UHRF2: variants seen among roughly 807,000 people sequenced by gnomAD.
UHRF2 encodes ubiquitin like with PHD and ring finger domains 2.
UHRF2 carries 23 observed loss-of-function variants against 96.8 expected under a neutral mutation model. The ratio of observed to expected loss-of-function variants is 0.24; its 90% CI spans 0.17 to 0.34. UHRF2 has a LOEUF of 0.34. Ranked by LOEUF, UHRF2 falls within the 10% of genes least tolerant of loss-of-function variation. UHRF2 has a pLI of 1.00. For synonymous variants in UHRF2, 385 were observed against 332.6 expected (o/e 1.16, Z -1.72); for missense variants, 685 against 981.5 (o/e 0.70, Z 4.04).
At chr9:6,479,233 C>T (rs150559930) in intron 6 of UHRF2, among the ~76,000 whole-genome samples, 116 of 152,314 alleles carry the variant, frequency 7.6e-4, no homozygotes, top group African/African-American at 2.6e-3. Context: ...TACTTCAGCA[C>T]TCCAGTCTAG....
chr9:6,428,575 C>CTTTTTTTTTTTTTTTTTTTT (rs1820393659), intron 2 of UHRF2, among the ~76,000 whole-genome samples: 2 of 81,440 alleles, frequency 2.5e-5, no homozygotes, highest in Non-Finnish European at 4.4e-5. Flanking sequence ...TTTTTTTGAA[C>CTTTTTTTTTTTTTTTTTTTT]GATCTCATTC....
chr9:6,499,891 G>C lies in UHRF2; in HGVS notation c.1965G>C (p.Lys655Asn). Residue 655 changes from lysine to asparagine, a missense_variant, in exon 13 of 16, where the codon AAG (lysine) becomes AAC (asparagine). Physicochemically the swap from Lys to Asn is moderately conservative, Grantham distance 94 (BLOSUM62 0). Around this residue, in one of 6 missense-constraint regions of UHRF2, gnomAD observed 99 missense variants for 73.5 expected, o/e 1.35. Transcript: ENST00000276893. ...KEGKKPKGQSKKQPSGTTKRP... is the reference protein window; with the variant it reads ...KEGKKPKGQSNKQPSGTTKRP... Reference sequence around the variant, plus strand: ...GGAAGAAGCCTAAAGGACAGTCAAAGAAGCAGCCCAGTGGAACCACAAAAA... The same window carrying C: ...GGAAGAAGCCTAAAGGACAGTCAAACAAGCAGCCCAGTGGAACCACAAAAA... The C allele has an allele frequency of 6.2e-7, 1 of 1,612,656 alleles. No individual in the cohort carries two copies. Among genetic ancestry groups the C allele is most frequent in the East Asian group, 2.2e-5 (1 of 44,798 alleles).
chr9:6,455,340 C>T (rs1822115310), intron 3 of UHRF2, among the ~76,000 whole-genome samples: 2 of 152,116 alleles, frequency 1.3e-5, no homozygotes, highest in African/African-American at 4.8e-5. Context: ...TTCCTGTGTC[C>T]AAGTGTTGTC....
intron 3 of UHRF2, among the ~76,000 whole-genome samples, chr9:6,448,764 A>G (rs13292799): frequency 0.26 from 39,697 of 152,106 alleles, 5,703 homozygotes; most frequent in African/African-American, 0.38. Context: ...ACAGGAGTTA[A>G]GAATGTGGTA....
At chr9:6,433,439 C>T (rs975325734) in intron 2 of UHRF2, among the ~76,000 whole-genome samples, 9 of 151,998 alleles carry the variant, frequency 5.9e-5, no homozygotes, top group African/African-American at 2.2e-4. Flanking sequence ...TTTTATTGTG[C>T]ATAATTCTCT....
chr9:6,498,912 GACC>G (rs1264078259), intron 12 of UHRF2: 1 of 152,228 alleles, frequency 6.6e-6, no homozygotes, highest in Non-Finnish European at 1.5e-5. Context: ...GCAAGTGTCT[GACC>G]ACCCAGGCAG....
intron 1 of UHRF2, among the ~76,000 whole-genome samples, chr9:6,418,970 C>T (rs1414878513): frequency 6.6e-6 from 1 of 152,176 alleles, no homozygotes; most frequent in Non-Finnish European, 1.5e-5. Context: ...TCACTCCAGT[C>T]ACATGGCTGC....
At chr9:6,450,313 C>T (rs530221339) in intron 3 of UHRF2, among the ~76,000 whole-genome samples, 1 of 145,808 alleles carries the variant, frequency 6.9e-6, no homozygotes, top group African/African-American at 2.5e-5. Context: ...TTCCCCCCCC[C>T]CCATTTATTT....
chr9:6,500,062 T>A (rs778908894), intron 13 of UHRF2, 131 bp downstream of exon 13: 1 of 659,344 alleles, frequency 1.5e-6, no homozygotes, highest in Middle Eastern at 4.3e-4. Context: ...AGCCTTGACC[T>A]CCTGGGCTCA....
At chr9:6,421,196 C>T in intron 2 of UHRF2, 54 bp downstream of exon 2, 1 of 1,344,346 alleles carries the variant, frequency 7.4e-7, no homozygotes, top group Non-Finnish European at 1.0e-6. Flanking sequence ...AATTTATTTT[C>T]TGTTCAGGAT....
At chr9:6,467,869 G>A (rs1011177956) in intron 4 of UHRF2, among the ~76,000 whole-genome samples, 1 of 151,812 alleles carries the variant, frequency 6.6e-6, no homozygotes, top group East Asian at 1.9e-4. Flanking sequence ...ATACCCAGTG[G>A]CAGTATTGAA....
chr9:6,439,189 T>G (rs1307151069), intron 3 of UHRF2, among the ~76,000 whole-genome samples: 1 of 152,336 alleles, frequency 6.6e-6, no homozygotes, highest in African/African-American at 2.4e-5. Context: ...CTGAATTGTT[T>G]TTTGTTTGTT....
intron 14 of UHRF2, among the ~76,000 whole-genome samples, chr9:6,504,133 C>T (rs544930125): frequency 1.4e-5 from 2 of 145,790 alleles, no homozygotes; most frequent in African/African-American, 5.1e-5. Flanking sequence ...TCACTCCATT[C>T]TCCTGCCTCA....
chr9:6,476,216 ATTTT>A (rs1445396889), intron 5 of UHRF2, among the ~76,000 whole-genome samples: 1 of 152,088 alleles, frequency 6.6e-6, no homozygotes, highest in Non-Finnish European at 1.5e-5. Context: ...GGATTCTATT[ATTTT>A]TTATGGCAGA....
chr9:6,443,469 T>C (rs1286317879), intron 3 of UHRF2, among the ~76,000 whole-genome samples: 1 of 152,226 alleles, frequency 6.6e-6, no homozygotes, highest in East Asian at 1.9e-4. Context: ...TACTCTACCA[T>C]ACTACCTCTC....
At chr9:6,424,271 T>C (rs200468010) in intron 2 of UHRF2, among the ~76,000 whole-genome samples, 46 of 152,216 alleles carry the variant, frequency 3.0e-4, no homozygotes, top group Non-Finnish European at 6.2e-4. Context: ...GCTCAAGGAA[T>C]TAATGCGTGA....
chr9:6,428,409 T>A (rs184604704), intron 2 of UHRF2, among the ~76,000 whole-genome samples: 1 of 152,150 alleles, frequency 6.6e-6, no homozygotes, highest in Non-Finnish European at 1.5e-5. Context: ...CTTTGTTCTT[T>A]ACTAACTTTC....
chr9:6,421,206 T>A, intron 2 of UHRF2, 64 bp downstream of exon 2: 2 of 1,258,446 alleles, frequency 1.6e-6, no homozygotes, highest in East Asian at 5.1e-5. Context: ...CTGTTCAGGA[T>A]GTTTTGAATA....
chr9:6,413,422 G>C lies in UHRF2; in HGVS notation c.-69G>C. On this transcript the variant is annotated 5_prime_UTR_variant, in exon 1 of 16. Coordinates refer to ENST00000276893, the MANE Select transcript of UHRF2 (RefSeq NM_152896.3). ...CCGAGCCGCAGGGAAAGCGGCGCGG[G>C]CCGGGCGGGGCGCGGCGCCCAGAGC... The C allele has an allele frequency of 7.7e-7, 1 of 1,303,590 alleles. No homozygotes were observed. The highest frequency in any genetic ancestry group is 9.9e-7 in the Non-Finnish European group (1 of 1,013,738). 80.8% of individuals were successfully genotyped at this position (1,303,590 alleles called of 1,614,324 possible). A position where few individuals can be genotyped will look rare whatever the true frequency, so the allele number is the denominator to read the frequency against.
Sources: gnomAD v4.1 joint callset for allele counts (sites outside exome capture counted in the v4.1 genomes callset) on GRCh38, gnomAD v4.1.1 for gene constraint, gnomAD v4.1.1 regional missense constraint, MANE v1.5 for transcripts, NCBI Gene and HGNC (gene_info 2026-07-23, HGNC 2026-07-21) for gene names.